Variants in PLEKHF2 observed in about 807,000 individuals in gnomAD.
The protein encoded by PLEKHF2 is pleckstrin homology domain-containing family F member 2.
PLEKHF2 carries 4 observed loss-of-function variants against 14.7 expected under a neutral mutation model. The observed-to-expected ratio is 0.27, with a 90% confidence interval of 0.13 to 0.62. The LOEUF (loss-of-function observed/expected upper bound fraction) is 0.62. PLEKHF2 is among the 20% of genes least tolerant of loss of function. The pLI is 0.85. For missense variants in PLEKHF2, 201 were observed against 307.7 expected, an observed-to-expected ratio of 0.65 and a Z score of 2.60; for synonymous variants, 90 against 103.5, an observed-to-expected ratio of 0.87 and a Z score of 0.79.
chr8:95,141,280 C>G (rs922820465), intron 1 of PLEKHF2, among the ~76,000 whole-genome samples: 2 of 152,150 alleles, frequency 1.3e-5, no homozygotes, highest in Non-Finnish European at 2.9e-5. Flanking sequence ...AAGCTTCAGA[C>G]TCTTCATCAA....
In PLEKHF2 at chr8:95,155,611, G is replaced by T. The variant is rs1364230185; in HGVS notation, c.*817G>T. 2 of 166,978 alleles carry T rather than the reference G, an allele frequency of 1.2e-5. No homozygotes were observed. The highest frequency in any genetic ancestry group is 2.4e-5 in the African/African-American group (1 of 41,434). 10.3% of individuals were successfully genotyped at this position (166,978 alleles called of 1,614,324 possible). On this transcript the variant is annotated 3_prime_UTR_variant, in exon 2 of 2. Transcript: ENST00000315367. ...TGAAATTTATCAGTTATACAGAATT[G>T]TCATACTGCATTAGCTTCTACCTTT... is the stretch of plus-strand genomic sequence containing the variant.
At chr8:95,152,631 G>A (rs985602289) in intron 1 of PLEKHF2, among the ~76,000 whole-genome samples, 2 of 152,044 alleles carry the variant, frequency 1.3e-5, no homozygotes, top group African/African-American at 4.8e-5. Context: ...AACCTTTCCA[G>A]TTTGGAACCA....
intron 1 of PLEKHF2, among the ~76,000 whole-genome samples, chr8:95,134,621 T>C (rs1318872730): frequency 1.3e-5 from 2 of 152,214 alleles, no homozygotes; most frequent in East Asian, 3.8e-4. Context: ...AGTTTTATGA[T>C]CCTTTGACGA....
At chr8:95,150,557 A>G (rs939926823) in intron 1 of PLEKHF2, among the ~76,000 whole-genome samples, 5 of 152,204 alleles carry the variant, frequency 3.3e-5, no homozygotes, top group Non-Finnish European at 7.4e-5. Context: ...ATACTAATTA[A>G]TAATGCCCCA....
In PLEKHF2 at chr8:95,154,145, G is replaced by A. The variant is rs1810589648; in HGVS notation, c.101G>A (p.Arg34Gln). Reference sequence around the variant, plus strand: ...GGTCAACCTTTAACTATACCTGGACGAGTTCTTATTGGAGAAGGAGTATTG... The same window carrying A: ...GGTCAACCTTTAACTATACCTGGACAAGTTCTTATTGGAGAAGGAGTATTG... ...AAGQPLTIPG[R>Q]VLIGEGVLTK... The change falls in exon 2 of 2, where the codon CGA (arginine) becomes CAA (glutamine). Residue 34 changes from arginine to glutamine, a missense_variant. Physicochemically the swap from Arg to Gln is conservative, Grantham distance 43. Transcript: ENST00000315367. The surrounding 1 kb of genome is among the most constrained non-coding windows in gnomAD (Gnocchi z 5.6). The A allele has an allele frequency of 1.2e-6, 2 of 1,613,962 alleles. No individual in the cohort carries two copies. Among genetic ancestry groups the A allele is most frequent in the Non-Finnish European group, 1.7e-6 (2 of 1,179,938 alleles).
intron 1 of PLEKHF2, among the ~76,000 whole-genome samples, chr8:95,141,800 A>G (rs903544970): frequency 2.7e-5 from 4 of 150,810 alleles, no homozygotes; most frequent in African/African-American, 9.8e-5. Context: ...TCGGCCTTCT[A>G]AAATGTTGGG....
rs1231513780 is a variant in PLEKHF2 at position 95,155,613 on chromosome 8, CATACTGCATTAGCTTCTACCTTTAG to C, written c.*820_*844del. ...AAATTTATCAGTTATACAGAATTGTCATACTGCATTAGCTTCTACCTTTAGTAAGACATATTTTTTAGGTATAAAT... is the reference window on the plus strand; with the variant it reads ...AAATTTATCAGTTATACAGAATTGTCTAAGACATATTTTTTAGGTATAAAT... On this transcript the variant is annotated 3_prime_UTR_variant, in exon 2 of 2. Coordinates refer to ENST00000315367, the MANE Select transcript of PLEKHF2 (RefSeq NM_024613.4). 6.0e-6 allele frequency: 1 copy of C among 167,038 alleles called. No individual in the cohort carries two copies. Among genetic ancestry groups the C allele is most frequent in the African/African-American group, 2.4e-5 (1 of 41,452 alleles). The allele number at this position is 167,038 out of a possible 1,614,324, so 10.3% of individuals were successfully genotyped here. A position where few individuals can be genotyped will look rare whatever the true frequency, so the allele number is the denominator to read the frequency against.
chr8:95,138,307 A>G (rs1810400239), intron 1 of PLEKHF2, among the ~76,000 whole-genome samples: 1 of 146,370 alleles, frequency 6.8e-6, no homozygotes, highest in Non-Finnish European at 1.5e-5. Flanking sequence ...TTAAGATTTT[A>G]TGATGTGAAT....
chr8:95,151,260 G>A (rs1315056896), intron 1 of PLEKHF2, among the ~76,000 whole-genome samples: 1 of 152,040 alleles, frequency 6.6e-6, no homozygotes, highest in Non-Finnish European at 1.5e-5. Context: ...TCTCATAGTA[G>A]CAATAATAGG....
chr8:95,144,648 C>T (rs1189824125), intron 1 of PLEKHF2, among the ~76,000 whole-genome samples: 1 of 152,046 alleles, frequency 6.6e-6, no homozygotes, highest in Non-Finnish European at 1.5e-5. Flanking sequence ...GGGTGGATCA[C>T]CTGAGGTCAG....
At chr8:95,151,179 A>G (rs1810558456) in intron 1 of PLEKHF2, among the ~76,000 whole-genome samples, 1 of 152,138 alleles carries the variant, frequency 6.6e-6, no homozygotes, top group African/African-American at 2.4e-5. Context: ...TAGTAACTTC[A>G]TAGGCATTTC....
chr8:95,148,018 T>A (rs1810518080), intron 1 of PLEKHF2, among the ~76,000 whole-genome samples: 1 of 151,844 alleles, frequency 6.6e-6, no homozygotes, highest in Non-Finnish European at 1.5e-5. Flanking sequence ...AGATGAGTTT[T>A]TTTCAAACTC....
chr8:95,137,558 A>G (rs1015026837), intron 1 of PLEKHF2, among the ~76,000 whole-genome samples: 8 of 152,332 alleles, frequency 5.3e-5, no homozygotes, highest in African/African-American at 1.9e-4. Context: ...ATTTAACTCA[A>G]TTTCCCATCT....
intron 1 of PLEKHF2, among the ~76,000 whole-genome samples, chr8:95,136,331 T>TACACAC (rs1490601825): frequency 2.3e-3 from 244 of 107,820 alleles, no homozygotes; most frequent in African/African-American, 7.3e-3. Flanking sequence ...TTTTATTATA[T>TACACAC]ATACACACAC....
chr8:95,147,448 A>G (rs1254949488), intron 1 of PLEKHF2, among the ~76,000 whole-genome samples: 1 of 151,992 alleles, frequency 6.6e-6, no homozygotes, highest in African/African-American at 2.4e-5. Flanking sequence ...CATTTCATAG[A>G]GTCTTCCAAA....
At chr8:95,142,470 G>A (rs541120118) in intron 1 of PLEKHF2, among the ~76,000 whole-genome samples, 1 of 152,236 alleles carries the variant, frequency 6.6e-6, no homozygotes, top group African/African-American at 2.4e-5. Context: ...GTCCAGGCTG[G>A]TCTTGAACTC....
intron 1 of PLEKHF2, among the ~76,000 whole-genome samples, chr8:95,142,084 T>C (rs1433007871): frequency 6.6e-6 from 1 of 152,182 alleles, no homozygotes; most frequent in Non-Finnish European, 1.5e-5. Flanking sequence ...TATTTCCTAG[T>C]GTCTGCTTTG....
At chr8:95,147,635 A>G (rs1282470708) in intron 1 of PLEKHF2, among the ~76,000 whole-genome samples, 2 of 151,934 alleles carry the variant, frequency 1.3e-5, no homozygotes, top group Non-Finnish European at 2.9e-5. Flanking sequence ...GAATTATTTA[A>G]TCATTATTCA....
chr8:95,134,815 A>G (rs1810358053), intron 1 of PLEKHF2, among the ~76,000 whole-genome samples: 1 of 152,118 alleles, frequency 6.6e-6, no homozygotes, highest in Admixed American at 6.6e-5. Context: ...CGCGTTGTTG[A>G]TAAATGCCTT....
Sources: gnomAD v4.1 joint callset for allele counts (sites outside exome capture counted in the v4.1 genomes callset) on GRCh38, gnomAD v4.1.1 for gene constraint, Gnocchi (gnomAD v3.1) non-coding constraint, MANE v1.5 for transcripts, NCBI Gene and HGNC (gene_info 2026-07-23, HGNC 2026-07-21) for gene names.